Variants in TENM3 observed in about 807,000 individuals in gnomAD.
The protein encoded by TENM3 is teneurin-3.
Under a neutral mutation model 255.1 loss-of-function variants are expected in TENM3, and 63 were observed. That is an observed-to-expected ratio of 0.25 (90% CI 0.20 to 0.30). The LOEUF is 0.30. Among genes scored for constraint, TENM3 ranks in the 10% least tolerant of loss-of-function variants. The pLI, the probability that TENM3 is intolerant of heterozygous loss-of-function variation, is 1.00. For synonymous variants in TENM3, 1,306 were observed against 1,322.3 expected (o/e 0.99, Z 0.27); for missense variants, 2,929 against 3,461.1 (o/e 0.85, Z 3.86).
In TENM3 at chr4:182,321,707, AG is replaced by A. The variant is rs1397861260; in HGVS notation, c.-75-2237del. 2.6e-5 allele frequency among the ~76,000 whole-genome samples: 4 copies of A among 152,112 alleles called. No individual in the cohort carries two copies. In the East Asian group the frequency reaches 5.8e-4, roughly 22 times the overall value. ...ATGCCTGTAATCCCAGCACTTTGGG[AG>A]GCTGAAGTGGGCGGATCACGAGGTC... On this transcript the variant is annotated intron_variant, in intron 1 of 27. Coordinates refer to ENST00000511685, the MANE Select transcript of TENM3 (RefSeq NM_001080477.4).
rs1579299146 is a variant in TENM3, at chr4:182,738,671, G to C, written c.3379+127G>C. The C allele has an allele frequency of 1.3e-5, 9 of 696,292 alleles. No homozygotes were observed. In the East Asian group the frequency reaches 2.9e-4, roughly 23 times the overall value. The allele number at this position is 696,292 out of a possible 1,614,324, so 43.1% of individuals were successfully genotyped here. A position where few individuals can be genotyped will look rare whatever the true frequency, so the allele number is the denominator to read the frequency against. On this transcript the variant is annotated intron_variant, in intron 18 of 27. Transcript: ENST00000511685. ...TATCCATGCTGTAGGATTAGAAATG[G>C]CAGAAAAAAAATAAAGGTGAATTTT...
At chr4:182,536,637 C>T (rs1740349605) in intron 3 of TENM3, among the ~76,000 whole-genome samples, 1 of 152,174 alleles carries the variant, frequency 6.6e-6, no homozygotes, top group Non-Finnish European at 1.5e-5. Context: ...TTCAGGCCAG[C>T]CTCCTATGTT....
At chr4:182,602,342 C>T (rs908307705) in intron 4 of TENM3, among the ~76,000 whole-genome samples, 3 of 152,176 alleles carry the variant, frequency 2.0e-5, no homozygotes, top group African/African-American at 7.2e-5. Flanking sequence ...CCAAAATGTC[C>T]TGCCCTAGAG....
At chr4:182,005,567 C>T in the TENM3 span, among the ~76,000 whole-genome samples, 1 of 152,114 alleles carries the variant, frequency 6.6e-6, no homozygotes, top group Non-Finnish European at 1.5e-5. Flanking sequence ...TCTTTGATTC[C>T]ATATGAAATT....
the TENM3 span, among the ~76,000 whole-genome samples, chr4:181,808,434 A>G: frequency 7.2e-5 from 11 of 152,212 alleles, no homozygotes; most frequent in Non-Finnish European, 1.6e-4. Flanking sequence ...CAATATTTAA[A>G]TAGGAAAAAA....
the TENM3 span, among the ~76,000 whole-genome samples, chr4:181,862,230 C>T: frequency 1.3e-4 from 20 of 151,986 alleles, no homozygotes; most frequent in East Asian, 2.9e-3. Context: ...CACACACAAG[C>T]GCACACACAC....
intron 24 of TENM3, among the ~76,000 whole-genome samples, chr4:182,784,945 C>T (rs1765510458): frequency 6.6e-6 from 1 of 152,170 alleles, no homozygotes. Flanking sequence ...CTGACCTGCG[C>T]CCACTGTCTG....
chr4:182,620,024 T>G (rs1354878962), intron 4 of TENM3, among the ~76,000 whole-genome samples: 2 of 152,232 alleles, frequency 1.3e-5, no homozygotes, highest in African/African-American at 2.4e-5. Context: ...GCCTTTATTC[T>G]ACAAACCTCA....
the TENM3 span, among the ~76,000 whole-genome samples, chr4:181,879,496 G>A: frequency 6.6e-6 from 1 of 152,130 alleles, no homozygotes; most frequent in African/African-American, 2.4e-5. Context: ...AAGCAGTGAA[G>A]GAAAATTGCT....
At chr4:182,483,363 A>G (rs567468420) in intron 3 of TENM3, among the ~76,000 whole-genome samples, 1 of 152,292 alleles carries the variant, frequency 6.6e-6, no homozygotes, top group African/African-American at 2.4e-5. Context: ...TTTATGCCAT[A>G]TTGAAGGACA....
At chr4:182,161,888 C>CAT (rs375823683) in intron 1 of TENM3, among the ~76,000 whole-genome samples, 16 of 51,658 alleles carry the variant, frequency 3.1e-4, no homozygotes, top group East Asian at 2.1e-3. Context: ...TATATACACA[C>CAT]ATATATGTGT....
At chr4:181,755,149 T>C in the TENM3 span, among the ~76,000 whole-genome samples, 1 of 152,158 alleles carries the variant, frequency 6.6e-6, no homozygotes, top group Non-Finnish European at 1.5e-5. Context: ...TCCTAGACAC[T>C]AGCCTGTGTT....
the TENM3 span, among the ~76,000 whole-genome samples, chr4:181,558,767 AG>A: frequency 2.6e-5 from 4 of 152,260 alleles, no homozygotes. Context: ...GGCATTGGTC[AG>A]GCAAAAGATA....
the TENM3 span, among the ~76,000 whole-genome samples, chr4:181,713,596 C>T: frequency 4.6e-5 from 7 of 151,970 alleles, no homozygotes; most frequent in African/African-American, 1.7e-4. Context: ...TACTTAGTAC[C>T]ACCTGCCCTC....
At chr4:181,893,976 A>G in the TENM3 span, among the ~76,000 whole-genome samples, 1 of 152,126 alleles carries the variant, frequency 6.6e-6, no homozygotes, top group East Asian at 1.9e-4. Context: ...GTTGTGTTTT[A>G]TATGTAGGAG....
At chr4:182,752,942 ATTTTTTTTTT>A (rs750171665) in intron 20 of TENM3, among the ~76,000 whole-genome samples, 1 of 121,724 alleles carries the variant, frequency 8.2e-6, no homozygotes, top group Non-Finnish European at 1.7e-5. Context: ...TCCTTACTGA[ATTTTTTTTTT>A]TTTTTTTTTT....
chr4:182,008,727 A>T, the TENM3 span, among the ~76,000 whole-genome samples: 1 of 152,068 alleles, frequency 6.6e-6, no homozygotes, highest in Non-Finnish European at 1.5e-5. Context: ...TACTTCTGTC[A>T]ATTTGTCCAT....
At chr4:182,484,465 C>T (rs181386640) in intron 3 of TENM3, among the ~76,000 whole-genome samples, 5 of 152,144 alleles carry the variant, frequency 3.3e-5, no homozygotes, top group Non-Finnish European at 7.4e-5. Flanking sequence ...TAATACTTTA[C>T]CTTATTTGTT....
At position 182,801,935 on chromosome 4, in the gene TENM3, T is replaced by C. The variant is rs1470538972; in HGVS notation, c.*1584T>C. The C allele has an allele frequency of 6.6e-6, 1 of 152,618 alleles. No individual in the cohort carries two copies. The highest frequency in any genetic ancestry group is 1.5e-5 in the Non-Finnish European group (1 of 68,038). The allele number at this position is 152,618 out of a possible 1,614,324, so 9.5% of individuals were successfully genotyped here. A position where few individuals can be genotyped will look rare whatever the true frequency, so the allele number is the denominator to read the frequency against. ...TGAGCACTAAATTCAGCCACGAAAATATTTTTAGAAGATATTTCTCAGTTC... is the reference window on the plus strand; with the variant it reads ...TGAGCACTAAATTCAGCCACGAAAACATTTTTAGAAGATATTTCTCAGTTC... On this transcript the variant is annotated 3_prime_UTR_variant, in exon 28 of 28. Coordinates refer to ENST00000511685, the MANE Select transcript of TENM3 (RefSeq NM_001080477.4).
Sources: gnomAD v4.1 joint callset for allele counts (sites outside exome capture counted in the v4.1 genomes callset) on GRCh38, gnomAD v4.1.1 for gene constraint, MANE v1.5 for transcripts, NCBI Gene and HGNC (gene_info 2026-07-23, HGNC 2026-07-21) for gene names.